Variants in SGCD observed in about 807,000 individuals in gnomAD.
The protein encoded by SGCD is delta-sarcoglycan.
In SGCD, 18 loss-of-function variants were observed where a neutral mutation model predicts 36.6. That is an observed-to-expected ratio of 0.49 (90% CI 0.34 to 0.73). The LOEUF is 0.73. Among genes scored for constraint, SGCD ranks in the 30% least tolerant of loss-of-function variants. The pLI is 0.01. For missense variants in SGCD, 387 were observed against 346.7 expected, an observed-to-expected ratio of 1.12 and a Z score of -0.92; for synonymous variants, 133 against 130.6, an observed-to-expected ratio of 1.02 and a Z score of -0.12.
At chr5:156,311,480 T>C (rs1334088533) in intron 3 of SGCD, among the ~76,000 whole-genome samples, 1 of 152,192 alleles carries the variant, frequency 6.6e-6, no homozygotes, top group East Asian at 1.9e-4. Flanking sequence ...GTAAATCTGT[T>C]TTAAAAATTA....
At chr5:156,279,278 A>G (rs10074679) in intron 3 of SGCD, among the ~76,000 whole-genome samples, 18,660 of 152,186 alleles carry the variant, frequency 0.12, 2,754 homozygotes, top group African/African-American at 0.36. Context: ...TCAAAACTAT[A>G]AAATTTACAT....
chr5:156,304,848 C>T (rs1005573693), intron 3 of SGCD, among the ~76,000 whole-genome samples: 1 of 152,162 alleles, frequency 6.6e-6, no homozygotes, highest in Non-Finnish European at 1.5e-5. Context: ...GGAGGTGGAG[C>T]AAAGATGACT....
chr5:156,524,122 A>T (rs1217377525), intron 4 of SGCD, among the ~76,000 whole-genome samples: 1 of 101,648 alleles, frequency 9.8e-6, no homozygotes, highest in African/African-American at 4.3e-5. Flanking sequence ...ATATATATAT[A>T]TATATATATA....
chr5:156,056,567 T>G (rs538860137), intron 1 of SGCD, among the ~76,000 whole-genome samples: 1 of 141,224 alleles, frequency 7.1e-6, no homozygotes, highest in Admixed American at 7.2e-5. Context: ...AAGAACACAC[T>G]TTGATCTATG....
chr5:156,512,578 T>C (rs1319045700), intron 4 of SGCD, among the ~76,000 whole-genome samples: 1 of 152,220 alleles, frequency 6.6e-6, no homozygotes, highest in Non-Finnish European at 1.5e-5. Flanking sequence ...AAGTAATGCA[T>C]GCCTATATTG....
intron 3 of SGCD, among the ~76,000 whole-genome samples, chr5:156,191,956 T>C (rs1387929126): frequency 6.6e-6 from 1 of 152,192 alleles, no homozygotes; most frequent in African/African-American, 2.4e-5. Flanking sequence ...TATGCTTTAA[T>C]GCATTCCAAA....
chr5:155,831,072 T>C, the SGCD span, among the ~76,000 whole-genome samples: 1 of 152,198 alleles, frequency 6.6e-6, no homozygotes, highest in Non-Finnish European at 1.5e-5. Context: ...GATAGGGAAA[T>C]TGAACCTTTC....
chr5:156,313,290 A>G (rs1488984206), intron 3 of SGCD, among the ~76,000 whole-genome samples: 1 of 152,132 alleles, frequency 6.6e-6, no homozygotes, highest in Non-Finnish European at 1.5e-5. Flanking sequence ...AAATTTTAAA[A>G]GATTCAGATT....
chr5:156,730,979 G>A (rs1756030966), intron 7 of SGCD, among the ~76,000 whole-genome samples: 1 of 152,034 alleles, frequency 6.6e-6, no homozygotes, highest in South Asian at 2.1e-4. Context: ...GTTTGGATTT[G>A]CATTTCTCTG....
At chr5:156,194,930 A>G (rs1763987173) in intron 3 of SGCD, among the ~76,000 whole-genome samples, 2 of 152,188 alleles carry the variant, frequency 1.3e-5, no homozygotes, top group South Asian at 4.1e-4. Context: ...ATAGTATAAT[A>G]AGGCTCAGTC....
At chr5:156,624,022 G>A (rs1581275037) in intron 6 of SGCD, among the ~76,000 whole-genome samples, 1 of 152,086 alleles carries the variant, frequency 6.6e-6, no homozygotes. Context: ...AAGGGTCCAG[G>A]GCCTTGGTCT....
rs868746269 is a variant in SGCD at position 156,558,091 on chromosome 5, A to G, written c.295-31140A>G. Among the ~76,000 whole-genome samples the G allele has an allele frequency of 4.2e-3, 104 of 24,784 alleles. 1 individual carries two copies. The highest frequency in any genetic ancestry group is 0.017 in the African/African-American group (95 of 5,614). The allele number at this position is 24,784 out of a possible 152,430, so 16.3% of individuals were successfully genotyped here. On this transcript the variant is annotated intron_variant, in intron 4 of 8. Coordinates refer to ENST00000337851, the MANE Select transcript of SGCD (RefSeq NM_000337.6). Reference sequence around the variant, plus strand: ...GAGTGTGTTATTAGTAAATACAAATATATATATATATATATATATATATAT... The same window carrying G: ...GAGTGTGTTATTAGTAAATACAAATGTATATATATATATATATATATATAT...
At chr5:156,715,505 C>T (rs780144503) in intron 7 of SGCD, among the ~76,000 whole-genome samples, 1 of 152,142 alleles carries the variant, frequency 6.6e-6, no homozygotes, top group African/African-American at 2.4e-5. Flanking sequence ...TAATCCATGC[C>T]GCCATTTCAT....
chr5:156,163,351 T>C (rs972299701), intron 3 of SGCD, among the ~76,000 whole-genome samples: 1 of 151,568 alleles, frequency 6.6e-6, no homozygotes, highest in Non-Finnish European at 1.5e-5. Context: ...CATGTTTCCG[T>C]AGGAGCCCAT....
chr5:156,286,609 G>A (rs961096499), intron 3 of SGCD, among the ~76,000 whole-genome samples: 1 of 152,104 alleles, frequency 6.6e-6, no homozygotes, highest in Non-Finnish European at 1.5e-5. Flanking sequence ...TCACTCATAG[G>A]TGGGAATTGA....
chr5:156,185,312 T>C (rs1445891048), intron 3 of SGCD, among the ~76,000 whole-genome samples: 1 of 151,080 alleles, frequency 6.6e-6, no homozygotes, highest in Non-Finnish European at 1.5e-5. Context: ...CCTCCCGGGT[T>C]CACACCATTC....
At chr5:155,835,465 GTC>G in the SGCD span, among the ~76,000 whole-genome samples, 1 of 152,142 alleles carries the variant, frequency 6.6e-6, no homozygotes, top group African/African-American at 2.4e-5. Flanking sequence ...GAGAATGGCT[GTC>G]TCTATTCATT....
intron 7 of SGCD, among the ~76,000 whole-genome samples, chr5:156,723,321 C>T (rs949217738): frequency 2.6e-5 from 4 of 152,164 alleles, no homozygotes; most frequent in Admixed American, 1.3e-4. Flanking sequence ...GCTGCAGGCT[C>T]CAATCTTTGA....
chr5:156,125,503 T>C (rs1040992083), intron 3 of SGCD, among the ~76,000 whole-genome samples: 2 of 152,054 alleles, frequency 1.3e-5, no homozygotes, highest in African/African-American at 4.8e-5. Flanking sequence ...TTCACATTGC[T>C]TGTAGAACCG....
Sources: gnomAD v4.1 joint callset for allele counts (sites outside exome capture counted in the v4.1 genomes callset) on GRCh38, gnomAD v4.1.1 for gene constraint, MANE v1.5 for transcripts, NCBI Gene and HGNC (gene_info 2026-07-23, HGNC 2026-07-21) for gene names.